Variants in CCDC201 observed in about 807,000 individuals in gnomAD.
CCDC201 encodes coiled-coil domain containing 201.
chr7:45,878,569 C>G, the CCDC201 span, among the ~76,000 whole-genome samples: 1 of 152,252 alleles, frequency 6.6e-6, no homozygotes, highest in African/African-American at 2.4e-5. Flanking sequence ...ATGGCCTGAG[C>G]AGTACCTTGG....
chr7:45,874,771 A>G (rs1786781710), upstream of CCDC201, among the ~76,000 whole-genome samples: 1 of 152,214 alleles, frequency 6.6e-6, no homozygotes, highest in South Asian at 2.1e-4. Context: ...TCAAGTGCTG[A>G]GAGTGGCTCG....
chr7:45,867,754 A>G (rs1037716262), intron 1 of CCDC201, among the ~76,000 whole-genome samples: 31 of 152,236 alleles, frequency 2.0e-4, no homozygotes, highest in Admixed American at 2.0e-3. Context: ...TCCCAGGCTG[A>G]TAACTGTGTC....
At chr7:45,866,198 C>T (rs759424452) in exon 2 of CCDC201, 11 of 174,336 alleles carry the variant, frequency 6.3e-5, no homozygotes, top group Non-Finnish European at 1.1e-4. Context: ...CTGATGTGGG[C>T]GGCTCCTCCC....
intron 1 of CCDC201, among the ~76,000 whole-genome samples, chr7:45,869,472 G>A (rs1414313229): frequency 2.0e-5 from 3 of 152,286 alleles, no homozygotes; most frequent in Non-Finnish European, 4.4e-5. Context: ...TCCCAAACCC[G>A]TCAGTCTTGG....
chr7:45,865,385 C>A (rs1171855801), intron 2 of CCDC201, among the ~76,000 whole-genome samples: 1 of 152,210 alleles, frequency 6.6e-6, no homozygotes, highest in African/African-American at 2.4e-5. Context: ...GCCTGCAAAC[C>A]TGGCTATGGT....
At chr7:45,878,140 C>T in the CCDC201 span, among the ~76,000 whole-genome samples, 1 of 152,236 alleles carries the variant, frequency 6.6e-6, no homozygotes, top group Non-Finnish European at 1.5e-5. Context: ...GGTGTTCTCC[C>T]AAGGCCTTGG....
the CCDC201 span, among the ~76,000 whole-genome samples, chr7:45,883,767 T>C: frequency 6.6e-6 from 1 of 152,172 alleles, no homozygotes; most frequent in Non-Finnish European, 1.5e-5. Context: ...CATGCATTAA[T>C]CACAAGCTGC....
At chr7:45,875,612 A>AT (rs1480706778), upstream of CCDC201, among the ~76,000 whole-genome samples, 5 of 152,196 alleles carry the variant, frequency 3.3e-5, no homozygotes, top group African/African-American at 9.7e-5. Context: ...CACCTAATGA[A>AT]TAAGAGTGTT....
At chr7:45,884,110 C>G in the CCDC201 span, among the ~76,000 whole-genome samples, 3 of 149,624 alleles carry the variant, frequency 2.0e-5, no homozygotes, top group African/African-American at 7.4e-5. Context: ...TCCTCTCTCT[C>G]TTTCTCTTGA....
the CCDC201 span, among the ~76,000 whole-genome samples, chr7:45,884,326 T>C: frequency 2.0e-5 from 3 of 152,170 alleles, no homozygotes; most frequent in African/African-American, 2.4e-5. Flanking sequence ...TCTCAAATCC[T>C]TGGCCTCAAA....
At chr7:45,876,086 A>G (rs893074662), upstream of CCDC201, among the ~76,000 whole-genome samples, 1 of 152,172 alleles carries the variant, frequency 6.6e-6, no homozygotes, top group Non-Finnish European at 1.5e-5. Flanking sequence ...TGGGGAGTCA[A>G]GAGGACAGCA....
At chr7:45,868,099 G>T (rs918332851) in intron 1 of CCDC201, among the ~76,000 whole-genome samples, 1 of 152,186 alleles carries the variant, frequency 6.6e-6, no homozygotes, top group African/African-American at 2.4e-5. Flanking sequence ...GGAAGTTCTG[G>T]CTTGGGGTCA....
At chr7:45,869,943 A>G (rs2116523143) in intron 1 of CCDC201, among the ~76,000 whole-genome samples, 1 of 151,952 alleles carries the variant, frequency 6.6e-6, no homozygotes, top group Non-Finnish European at 1.5e-5. Context: ...CAGCTTCCAG[A>G]GTAGCTGGGA....
exon 3 of CCDC201, chr7:45,862,440 A>G (rs909761585): frequency 7.2e-5 from 11 of 152,200 alleles, no homozygotes; most frequent in Admixed American, 6.5e-4. Flanking sequence ...GGAGGTAGGT[A>G]CCCTCTAGGG....
At chr7:45,870,716 A>G (rs550509872) in intron 1 of CCDC201, among the ~76,000 whole-genome samples, 1 of 152,278 alleles carries the variant, frequency 6.6e-6, no homozygotes, top group South Asian at 2.1e-4. Flanking sequence ...GAAATAAAGT[A>G]GTAACTGAGA....
At chr7:45,879,474 G>T in the CCDC201 span, among the ~76,000 whole-genome samples, 1 of 152,230 alleles carries the variant, frequency 6.6e-6, no homozygotes, top group African/African-American at 2.4e-5. Flanking sequence ...GGTTGAACAG[G>T]CTTCTGCTTC....
the CCDC201 span, among the ~76,000 whole-genome samples, chr7:45,881,917 G>A: frequency 6.6e-6 from 1 of 152,234 alleles, no homozygotes; most frequent in African/African-American, 2.4e-5. Context: ...GTGGGCGAGA[G>A]CTATTTTTTC....
chr7:45,860,028 G>A (rs1033885413), exon 3 of CCDC201: 9 of 166,280 alleles, frequency 5.4e-5, no homozygotes, highest in Non-Finnish European at 1.2e-4. Flanking sequence ...TCACCTGGGT[G>A]CAGGCAGTCT....
chr7:45,867,211 A>G (rs1054842661), intron 1 of CCDC201, among the ~76,000 whole-genome samples: 2 of 152,202 alleles, frequency 1.3e-5, no homozygotes, highest in Non-Finnish European at 1.5e-5. Flanking sequence ...GAGTTGTCCA[A>G]TTGCTTTGTA....
Sources: allele counts gnomAD v4.1 joint callset (sites outside exome capture counted in the v4.1 genomes callset), GRCh38; gene constraint gnomAD v4.1.1; transcripts MANE v1.5; gene names NCBI Gene and HGNC (gene_info 2026-07-23, HGNC 2026-07-21).